GRID2: variants seen among roughly 807,000 people sequenced by gnomAD.
GRID2 encodes glutamate ionotropic receptor delta type subunit 2.
A neutral mutation model predicts 114.8 loss-of-function variants in GRID2; 33 were observed. The observed-to-expected ratio is 0.29, with a 90% CI of 0.22 to 0.38. The LOEUF is 0.38. Ranked by LOEUF, GRID2 falls within the 10% of genes least tolerant of loss-of-function variation. The pLI, the probability that GRID2 is intolerant of heterozygous loss-of-function variation, is 1.00. For synonymous variants in GRID2, 505 were observed against 449.9 expected, an observed-to-expected ratio of 1.12 and a Z score of -1.55; for missense variants, 1,184 against 1,257.7, an observed-to-expected ratio of 0.94 and a Z score of 0.89.
intron 1 of GRID2, among the ~76,000 whole-genome samples, chr4:92,308,080 A>T (rs1199622834): frequency 6.6e-6 from 1 of 152,182 alleles, no homozygotes; most frequent in Admixed American, 6.5e-5. Flanking sequence ...AGTCTTTGAG[A>T]TTAGCCACGC....
Position 93,586,938 on chromosome 4 carries a change from T to TA in GRID2, c.2194-39325dup, listed in dbSNP as rs1314201800. Among the ~76,000 whole-genome samples the TA allele has an allele frequency of 2.0e-5, 3 of 152,238 alleles. No homozygotes were observed. In the East Asian group the frequency reaches 5.8e-4, roughly 29 times the overall value. Reference sequence around the variant, plus strand: ...TCATGGAAGAATACATTCAGGTTGTTAAAAAATTCAAATAAAGTGAAAGTA... The same window carrying TA: ...TCATGGAAGAATACATTCAGGTTGTTAAAAAAATTCAAATAAAGTGAAAGTA... On this transcript the variant is annotated intron_variant, in intron 13 of 15. Coordinates refer to ENST00000282020, the MANE Select transcript of GRID2 (RefSeq NM_001510.4).
At chr4:93,727,076 T>G (rs561813312) in intron 14 of GRID2, among the ~76,000 whole-genome samples, 80 of 152,252 alleles carry the variant, frequency 5.3e-4, no homozygotes, top group Non-Finnish European at 7.8e-4. Context: ...TTTTCAAAGG[T>G]AACGCTTCCA....
At chr4:93,626,921 C>T (rs1039451265) in intron 14 of GRID2, among the ~76,000 whole-genome samples, 1 of 152,118 alleles carries the variant, frequency 6.6e-6, no homozygotes, top group Non-Finnish European at 1.5e-5. Context: ...TTTTGGAGTT[C>T]CCCGCTTAAC....
chr4:92,540,631 A>C (rs959879957), intron 1 of GRID2, among the ~76,000 whole-genome samples: 1 of 152,190 alleles, frequency 6.6e-6, no homozygotes, highest in East Asian at 1.9e-4. Context: ...ATCATTAAAA[A>C]GTCAGGAAAC....
chr4:93,462,378 G>GTAGTT (rs1372456314), intron 11 of GRID2, among the ~76,000 whole-genome samples: 2 of 152,144 alleles, frequency 1.3e-5, no homozygotes, highest in African/African-American at 4.8e-5. Context: ...AATTCCTTTG[G>GTAGTT]TAGTTTTCTT....
At chr4:93,416,570 A>G (rs1441153570) in intron 9 of GRID2, among the ~76,000 whole-genome samples, 3 of 152,076 alleles carry the variant, frequency 2.0e-5, no homozygotes, top group African/African-American at 7.2e-5. Flanking sequence ...AACAGCTCTC[A>G]GTAAAGCCTT....
Position 92,558,702 on chromosome 4 carries a change from T to A in GRID2, c.89-31429T>A, listed in dbSNP as rs148852764. Among the ~76,000 whole-genome samples, 364 of 152,260 alleles carry A rather than the reference T, an allele frequency of 2.4e-3. 2 individuals carry two copies. The highest frequency in any genetic ancestry group is 8.5e-3 in the African/African-American group (353 of 41,562). On this transcript the variant is annotated intron_variant, in intron 1 of 15. Transcript: ENST00000282020. ...AACAGATGCTGCCTTTTATGACAGTTAGGGTTATCTATCTGTGAACCACTA... is the reference window on the plus strand; with the variant it reads ...AACAGATGCTGCCTTTTATGACAGTAAGGGTTATCTATCTGTGAACCACTA...
At chr4:92,647,007 T>G (rs1253746993) in intron 2 of GRID2, among the ~76,000 whole-genome samples, 2 of 152,346 alleles carry the variant, frequency 1.3e-5, no homozygotes, top group African/African-American at 4.8e-5. Flanking sequence ...GTAGTAGCAG[T>G]ACAACTTGTT....
At chr4:92,418,024 TACTC>T (rs1731705031) in intron 1 of GRID2, among the ~76,000 whole-genome samples, 1 of 152,160 alleles carries the variant, frequency 6.6e-6, no homozygotes, top group South Asian at 2.1e-4. Flanking sequence ...TTTTATAAAT[TACTC>T]AGTCGTGTGT....
intron 13 of GRID2, among the ~76,000 whole-genome samples, chr4:93,552,516 T>C (rs1445084822): frequency 6.6e-6 from 1 of 152,170 alleles, no homozygotes; most frequent in Non-Finnish European, 1.5e-5. Flanking sequence ...AGTGTTCCTA[T>C]TTCTCCACAT....
chr4:93,661,604 A>AG (rs1348185786), intron 14 of GRID2, among the ~76,000 whole-genome samples: 3 of 152,202 alleles, frequency 2.0e-5, no homozygotes, highest in Non-Finnish European at 4.4e-5. Context: ...CATGCATAAA[A>AG]CAAGTTTACG....
chr4:92,413,323 TGTTA>T (rs1213474787), intron 1 of GRID2, among the ~76,000 whole-genome samples: 1 of 152,184 alleles, frequency 6.6e-6, no homozygotes, highest in African/African-American at 2.4e-5. Flanking sequence ...AAACTATGTA[TGTTA>T]GTTTTTTTTA....
At chr4:93,293,598 A>T (rs966700093) in intron 8 of GRID2, among the ~76,000 whole-genome samples, 1 of 149,590 alleles carries the variant, frequency 6.7e-6, no homozygotes, top group Non-Finnish European at 1.5e-5. Flanking sequence ...CGAAAGACAC[A>T]TTATTGAAAA....
chr4:93,553,094 C>A (rs12651222), intron 13 of GRID2, among the ~76,000 whole-genome samples: 1 of 152,110 alleles, frequency 6.6e-6, no homozygotes, highest in African/African-American at 2.4e-5. Flanking sequence ...AATAAACATG[C>A]GTGTGCATGT....
intron 8 of GRID2, among the ~76,000 whole-genome samples, chr4:93,360,437 T>C (rs1292451103): frequency 6.6e-6 from 1 of 152,058 alleles, no homozygotes; most frequent in Non-Finnish European, 1.5e-5. Flanking sequence ...AATTTGGCTT[T>C]ACCCCATAGG....
chr4:92,673,002 C>G (rs573387820), intron 2 of GRID2, among the ~76,000 whole-genome samples: 7 of 152,104 alleles, frequency 4.6e-5, no homozygotes, highest in Admixed American at 2.0e-4. Flanking sequence ...CTGGAACCAC[C>G]AGTTTACTCT....
At chr4:92,917,573 A>C (rs558246562) in intron 2 of GRID2, among the ~76,000 whole-genome samples, 1 of 152,322 alleles carries the variant, frequency 6.6e-6, no homozygotes, top group African/African-American at 2.4e-5. Context: ...TGAGCTTTCT[A>C]CATATGGCTA....
intron 2 of GRID2, among the ~76,000 whole-genome samples, chr4:92,769,677 G>A (rs1043891528): frequency 1.3e-5 from 2 of 152,160 alleles, no homozygotes; most frequent in Non-Finnish European, 2.9e-5. Context: ...ACACCACATG[G>A]AGGCTGCCAA....
chr4:92,929,520 C>T (rs1750069406), intron 2 of GRID2, among the ~76,000 whole-genome samples: 1 of 151,316 alleles, frequency 6.6e-6, no homozygotes, highest in African/African-American at 2.4e-5. Context: ...TTTCGCACCA[C>T]AGAGTTGATC....
Sources: allele counts gnomAD v4.1 joint callset (sites outside exome capture counted in the v4.1 genomes callset), GRCh38; gene constraint gnomAD v4.1.1; transcripts MANE v1.5; gene names NCBI Gene and HGNC (gene_info 2026-07-23, HGNC 2026-07-21).